The following EDIL3 variants were observed in gnomAD, a reference collection of about 807,000 sequenced individuals.
EDIL3 encodes the protein EGF like and discoidin domains 3, also known as EGF-like repeat and discoidin I-like domain-containing protein 3.
A neutral mutation model predicts 67.4 loss-of-function variants in EDIL3; 37 were observed. The observed-to-expected ratio is 0.55, with a 90% confidence interval of 0.42 to 0.72. The LOEUF (loss-of-function observed/expected upper bound fraction) is 0.72. Ranked by LOEUF, EDIL3 falls within the 30% of genes least tolerant of loss-of-function variation. The pLI, the probability that EDIL3 is intolerant of heterozygous loss-of-function variation, is 0.00. For missense variants in EDIL3, 527 were observed against 586.3 expected (o/e 0.90, Z 1.04); for synonymous variants, 195 against 196.3 (o/e 0.99, Z 0.05).
At chr5:84,170,240 G>A (rs1333807489) in intron 4 of EDIL3, among the ~76,000 whole-genome samples, 4 of 152,286 alleles carry the variant, frequency 2.6e-5, no homozygotes, top group South Asian at 4.1e-4. Flanking sequence ...TGAGATATCT[G>A]AACCCTGAAT....
intron 9 of EDIL3, among the ~76,000 whole-genome samples, chr5:83,997,104 G>T (rs571581773): frequency 1.3e-5 from 2 of 152,308 alleles, no homozygotes; most frequent in South Asian, 2.1e-4. Flanking sequence ...GAAGAACAGG[G>T]TTTAATGGGA....
At chr5:84,045,853 C>A (rs551281033) in intron 9 of EDIL3, among the ~76,000 whole-genome samples, 5 of 152,096 alleles carry the variant, frequency 3.3e-5, no homozygotes, top group Non-Finnish European at 7.4e-5. Flanking sequence ...GCCAGCAAAT[C>A]AATACTTCAT....
chr5:84,309,454 C>A (rs1746341633), intron 1 of EDIL3, among the ~76,000 whole-genome samples: 1 of 151,658 alleles, frequency 6.6e-6, no homozygotes, highest in Admixed American at 6.6e-5. Context: ...AACTCTTCAT[C>A]TAGCATTAGG....
At chr5:84,313,633 A>AT (rs1746449853) in intron 1 of EDIL3, among the ~76,000 whole-genome samples, 1 of 152,228 alleles carries the variant, frequency 6.6e-6, no homozygotes, top group South Asian at 2.1e-4. Flanking sequence ...CCCAAGAGCC[A>AT]TTAGACTACC....
intron 9 of EDIL3, among the ~76,000 whole-genome samples, chr5:84,015,770 C>T (rs1267585748): frequency 6.6e-6 from 1 of 152,116 alleles, no homozygotes; most frequent in East Asian, 1.9e-4. Flanking sequence ...TGAAAATAAA[C>T]CATGCTGAGA....
intron 6 of EDIL3, among the ~76,000 whole-genome samples, chr5:84,078,022 A>T (rs573795410): frequency 3.7e-4 from 57 of 152,358 alleles, no homozygotes; most frequent in Middle Eastern, 3.4e-3. Flanking sequence ...AGAATGGCAA[A>T]ACAAAAATAT....
At chr5:84,035,949 T>C (rs1746015713) in intron 9 of EDIL3, among the ~76,000 whole-genome samples, 1 of 152,240 alleles carries the variant, frequency 6.6e-6, no homozygotes, top group African/African-American at 2.4e-5. Flanking sequence ...GAAACTATTC[T>C]TCTGTCTTCA....
Position 83,969,496 on chromosome 5 carries a change from T to A in EDIL3, c.1138-6136A>T, listed in dbSNP as rs183694802. 3.4e-4 allele frequency among the ~76,000 whole-genome samples: 51 copies of A among 151,912 alleles called. 1 individual carries two copies. In the East Asian group the frequency reaches 9.1e-3, roughly 27 times the overall value. ...GTGCGTGCATGAATGAATATGAAAA[T>A]TTTTAACCAATCCCTTGTTGATGTT... is the stretch of plus-strand genomic sequence containing the variant. On this transcript the variant is annotated intron_variant, in intron 9 of 10. Coordinates refer to ENST00000296591, the MANE Select transcript of EDIL3 (RefSeq NM_005711.5).
chr5:84,303,835 TGTGTGTGTGTGTGTTTG>T (rs1351523451), intron 1 of EDIL3, among the ~76,000 whole-genome samples: 2 of 147,944 alleles, frequency 1.4e-5, no homozygotes, highest in Non-Finnish European at 1.5e-5. Flanking sequence ...TGTGTGTGTG[TGTGTGTGTGTGTGTTTG>T]TGTGTGTGTG....
chr5:84,104,250 G>C (rs192413898), intron 6 of EDIL3, among the ~76,000 whole-genome samples: 1 of 151,910 alleles, frequency 6.6e-6, no homozygotes, highest in African/African-American at 2.4e-5. Flanking sequence ...TGGGAGGAGG[G>C]AAAGGACTAG....
intron 6 of EDIL3, among the ~76,000 whole-genome samples, chr5:84,089,871 A>T (rs1188780405): frequency 6.6e-6 from 1 of 152,182 alleles, no homozygotes; most frequent in Non-Finnish European, 1.5e-5. Flanking sequence ...TAACTTCCTT[A>T]ATGTCATCCT....
intron 1 of EDIL3, among the ~76,000 whole-genome samples, chr5:84,326,353 AAGT>A (rs1317809543): frequency 6.6e-6 from 1 of 152,104 alleles, no homozygotes; most frequent in Non-Finnish European, 1.5e-5. Flanking sequence ...TAGAGACAGA[AAGT>A]AGAATTATAA....
At chr5:84,094,147 A>T (rs2112270961) in intron 6 of EDIL3, among the ~76,000 whole-genome samples, 1 of 152,356 alleles carries the variant, frequency 6.6e-6, no homozygotes, top group East Asian at 1.9e-4. Context: ...TTCAGGACAG[A>T]AGCATTAAGA....
intron 5 of EDIL3, among the ~76,000 whole-genome samples, chr5:84,118,548 G>A (rs745849983): frequency 1.3e-4 from 20 of 152,066 alleles, no homozygotes; most frequent in Non-Finnish European, 2.6e-4. Flanking sequence ...TATCAAAACT[G>A]TTCCTCATTG....
intron 1 of EDIL3, among the ~76,000 whole-genome samples, chr5:84,257,138 A>C (rs1400381350): frequency 6.6e-6 from 1 of 152,054 alleles, no homozygotes; most frequent in Non-Finnish European, 1.5e-5. Context: ...GGTTCTTTCA[A>C]TTATCCCATC....
chr5:84,374,519 T>G (rs1267949097), intron 1 of EDIL3, among the ~76,000 whole-genome samples: 1 of 152,202 alleles, frequency 6.6e-6, no homozygotes, highest in Non-Finnish European at 1.5e-5. Context: ...AATATAATAA[T>G]GCATGTGGAG....
In EDIL3 at chr5:83,953,917, C is replaced by T. The variant is rs75552716; in HGVS notation, c.1293+9288G>A. Among the ~76,000 whole-genome samples the T allele has an allele frequency of 5.2e-3, 791 of 151,830 alleles. 6 individuals are homozygous for T. The highest frequency in any genetic ancestry group is 8.2e-3 in the Non-Finnish European group (558 of 67,824). On this transcript the variant is annotated intron_variant, in intron 10 of 10. Transcript: ENST00000296591. ...CTTTGAGATTCAACCAAAGGAACTA[C>T]GTAAAAATCATTGCCAAATGATTAA...
chr5:84,215,165 C>T (rs373244148), intron 3 of EDIL3, among the ~76,000 whole-genome samples: 13 of 152,180 alleles, frequency 8.5e-5, no homozygotes, highest in African/African-American at 3.1e-4. Flanking sequence ...GGGATTCAGT[C>T]GAGAACAAAA....
At chr5:83,951,143 T>G (rs1393596672) in intron 10 of EDIL3, among the ~76,000 whole-genome samples, 1 of 151,624 alleles carries the variant, frequency 6.6e-6, no homozygotes, top group African/African-American at 2.4e-5. Context: ...ATGGGAGAAG[T>G]GAAAAACAAA....
Sources: gnomAD v4.1 joint callset for allele counts (sites outside exome capture counted in the v4.1 genomes callset) on GRCh38, gnomAD v4.1.1 for gene constraint, MANE v1.5 for transcripts, NCBI Gene and HGNC (gene_info 2026-07-23, HGNC 2026-07-21) for gene names.